NLRP11: variants seen among roughly 807,000 people sequenced by gnomAD.
The protein encoded by NLRP11 is NLR family pyrin domain containing 11.
A neutral mutation model predicts 79.3 loss-of-function variants in NLRP11; 53 were observed. That is an observed-to-expected ratio of 0.67 (90% CI 0.54 to 0.84). NLRP11 has a LOEUF of 0.84. Among genes scored for constraint, NLRP11 ranks in the 40% least tolerant of loss-of-function variants. NLRP11 has a pLI of 0.00. For synonymous variants in NLRP11, 518 were observed against 462.6 expected, an observed-to-expected ratio of 1.12 and a Z score of -1.54; for missense variants, 1,264 against 1,255.0, an observed-to-expected ratio of 1.01 and a Z score of -0.11.
chr19:55,796,448 C>T (rs778509838), intron 5 of NLRP11, among the ~76,000 whole-genome samples, 198 bp from the exon 6 acceptor site: 2 of 152,140 alleles, frequency 1.3e-5, no homozygotes, highest in Non-Finnish European at 2.9e-5. Flanking sequence ...TACAGATTCA[C>T]GAAGGGCTGT....
intron 4 of NLRP11, among the ~76,000 whole-genome samples, chr19:55,803,290 T>C (rs1979660252): frequency 1.3e-5 from 2 of 152,092 alleles, no homozygotes; most frequent in Non-Finnish European, 2.9e-5. Context: ...GAGGTTGCAG[T>C]GAGCCGAGAT....
chr19:55,801,595 G>A (rs1198770536), exon 5 of NLRP11: 1 of 1,614,078 alleles, frequency 6.2e-7, no homozygotes, highest in Non-Finnish European at 8.5e-7. Flanking sequence ...TTTGGCATGT[G>A]GGCTCGTGCA....
intron 2 of NLRP11, among the ~76,000 whole-genome samples, chr19:55,812,340 T>C (rs1376491658): frequency 6.6e-6 from 1 of 151,926 alleles, no homozygotes; most frequent in African/African-American, 2.4e-5. Flanking sequence ...GAAGAAAGGA[T>C]GAGGGGGCAC....
chr19:55,813,053 C>A (rs1405488160), intron 2 of NLRP11, among the ~76,000 whole-genome samples: 2 of 152,144 alleles, frequency 1.3e-5, no homozygotes, highest in Non-Finnish European at 2.9e-5. Flanking sequence ...GGTGGCCAGG[C>A]ACAGCGACTC....
chr19:55,815,344 C>A (rs1231728390), intron 2 of NLRP11, among the ~76,000 whole-genome samples: 1 of 152,002 alleles, frequency 6.6e-6, no homozygotes, highest in African/African-American at 2.4e-5. Context: ...GCCTGGCCAA[C>A]ATAGTGAAAC....
At chr19:55,835,474 G>T (rs1257473202), upstream of NLRP11, among the ~76,000 whole-genome samples, 117 of 145,050 alleles carry the variant, frequency 8.1e-4, no homozygotes, top group Middle Eastern at 4.3e-3. Flanking sequence ...GCCGAGGCGG[G>T]CAGATCACTT....
intron 1 of NLRP11, among the ~76,000 whole-genome samples, chr19:55,827,647 CAA>C (rs796535882): frequency 6.8e-6 from 1 of 147,860 alleles, no homozygotes; most frequent in Non-Finnish European, 1.5e-5. Flanking sequence ...TTTATGCAGC[CAA>C]AAAAAACATG....
At chr19:55,811,728 G>A (rs1349595045) in intron 2 of NLRP11, among the ~76,000 whole-genome samples, 1 of 152,014 alleles carries the variant, frequency 6.6e-6, no homozygotes, top group African/African-American at 2.4e-5. Flanking sequence ...TGATGAGTAT[G>A]GTTCATGATT....
intron 2 of NLRP11, 109 bp from the exon 3 acceptor site, chr19:55,810,447 TTTAC>T (rs1334805872): frequency 1.1e-6 from 1 of 932,894 alleles, no homozygotes; most frequent in Non-Finnish European, 1.6e-6. Flanking sequence ...AGTAGAAATT[TTTAC>T]TTACTACTGC....
intron 1 of NLRP11, among the ~76,000 whole-genome samples, chr19:55,822,883 A>T (rs895132373): frequency 6.6e-6 from 1 of 152,364 alleles, no homozygotes; most frequent in South Asian, 2.1e-4. Context: ...CAAAGCAGCC[A>T]GGAAGCTGGA....
intron 4 of NLRP11, among the ~76,000 whole-genome samples, chr19:55,806,257 G>A (rs1187110540): frequency 3.3e-5 from 5 of 152,124 alleles, no homozygotes; most frequent in African/African-American, 7.2e-5. Context: ...ATACATGAAC[G>A]ACACCCACAT....
At chr19:55,785,533 AC>A in exon 10 of NLRP11, 33 of 1,153,682 alleles carry the variant, frequency 2.9e-5, no homozygotes, top group Non-Finnish European at 3.6e-5. Flanking sequence ...ACACACACAC[AC>A]ACACATCAAA....
intron 1 of NLRP11, among the ~76,000 whole-genome samples, chr19:55,827,478 A>G (rs1320524129): frequency 6.6e-6 from 1 of 150,918 alleles, no homozygotes; most frequent in Non-Finnish European, 1.5e-5. Context: ...GTCAACAGGC[A>G]ACCTACAAAA....
chr19:55,813,833 C>G (rs530049800), intron 2 of NLRP11, among the ~76,000 whole-genome samples: 1 of 152,196 alleles, frequency 6.6e-6, no homozygotes, highest in East Asian at 1.9e-4. Context: ...TAAAGGGTCA[C>G]CATGGAGGAC....
At position 55,817,919 on chromosome 19, in the gene NLRP11, T is replaced by TGACCTTCCTACAAA. The variant is rs773423719; in HGVS notation, c.255_256insTTTGTAGGAAGGTC (p.Ile86PhefsTer20). On this transcript the variant is annotated frameshift_variant, in exon 2 of 10. Coordinates refer to ENST00000589093, the Ensembl canonical transcript of NLRP11. LOFTEE classifies it high-confidence loss of function. ...CCCCACTCACGGTTTCGTCTGCCAA[T>TGACCTTCCTACAAA]GATCTTCCTACAAAGATCTTCCTTA... The TGACCTTCCTACAAA allele has an allele frequency of 6.2e-7, 1 of 1,608,308 alleles. No individual in the cohort carries two copies. The highest frequency in any genetic ancestry group is 8.5e-7 in the Non-Finnish European group (1 of 1,175,864).
chr19:55,828,914 T>TAGAA (rs58288072), intron 1 of NLRP11, among the ~76,000 whole-genome samples: 73,265 of 151,708 alleles, frequency 0.48, 20,783 homozygotes, highest in African/African-American at 0.8. Flanking sequence ...GAAGATAACA[T>TAGAA]AGAGAAGATT....
At chr19:55,815,561 C>T (rs970454938) in intron 2 of NLRP11, among the ~76,000 whole-genome samples, 6 of 143,404 alleles carry the variant, frequency 4.2e-5, no homozygotes, top group Non-Finnish European at 6.1e-5. Flanking sequence ...TAGCAATAAA[C>T]ATGAAAAAGG....
intron 4 of NLRP11, among the ~76,000 whole-genome samples, chr19:55,802,507 A>G (rs1165986710): frequency 6.6e-6 from 1 of 152,212 alleles, no homozygotes; most frequent in East Asian, 1.9e-4. Context: ...GCTCAAAGAG[A>G]TCAGATGACA....
intron 1 of NLRP11, among the ~76,000 whole-genome samples, chr19:55,819,152 C>G (rs1050943509): frequency 2.5e-4 from 32 of 130,402 alleles, no homozygotes; most frequent in South Asian, 1.3e-3. Context: ...CACACACACA[C>G]ACACACACAC....
Sources: allele counts gnomAD v4.1 joint callset (sites outside exome capture counted in the v4.1 genomes callset), GRCh38; gene constraint gnomAD v4.1.1; transcripts MANE v1.5; gene names NCBI Gene and HGNC (gene_info 2026-07-23, HGNC 2026-07-21).